The following FILIP1 variants were observed in gnomAD, a reference collection of about 807,000 sequenced individuals.
FILIP1 encodes filamin-A-interacting protein 1.
In FILIP1, 61 loss-of-function variants were observed where a neutral mutation model predicts 102.1. The observed-to-expected ratio is 0.60, with a 90% CI of 0.49 to 0.74. The LOEUF is 0.74. Ranked by LOEUF, FILIP1 falls within the 30% of genes least tolerant of loss-of-function variation. The pLI is 0.00. For synonymous variants in FILIP1, 491 were observed against 526.9 expected, an observed-to-expected ratio of 0.93 and a Z score of 0.93; for missense variants, 1,314 against 1,441.2, an observed-to-expected ratio of 0.91 and a Z score of 1.43.
chr6:75,297,378 T>G (rs77512312), intron 6 of FILIP1, among the ~76,000 whole-genome samples: 1 of 152,200 alleles, frequency 6.6e-6, no homozygotes, highest in Non-Finnish European at 1.5e-5. Flanking sequence ...TACCTCATGA[T>G]GACCAATAGG....
At chr6:75,439,881 C>A (rs1251796615) in intron 1 of FILIP1, among the ~76,000 whole-genome samples, 1 of 152,218 alleles carries the variant, frequency 6.6e-6, no homozygotes, top group Non-Finnish European at 1.5e-5. Context: ...ATCAGCAAAT[C>A]TTTCCTACTA....
At chr6:75,417,377 C>T (rs186090422) in intron 1 of FILIP1, among the ~76,000 whole-genome samples, 80 of 152,208 alleles carry the variant, frequency 5.3e-4, no homozygotes, top group Non-Finnish European at 1.3e-4. Flanking sequence ...AAGTACTCAG[C>T]AATAACAAAT....
intron 2 of FILIP1, among the ~76,000 whole-genome samples, chr6:75,370,557 T>TG (rs1459721223): frequency 6.7e-6 from 1 of 150,142 alleles, no homozygotes. Flanking sequence ...GTCTGTAATT[T>TG]GGGAGTCTCT....
rs111727185 is a variant in FILIP1, at chr6:75,325,163, C to A, written c.630-9961G>T. Among the ~76,000 whole-genome samples the A allele has an allele frequency of 9.8e-3, 1,492 of 152,306 alleles. 24 individuals carry two copies. Among genetic ancestry groups the A allele is most frequent in the African/African-American group, 0.035 (1,436 of 41,560 alleles). ...GGGCATGGTGGTGCATGCCTATAAT[C>A]CCAGTACTTTGGGAGGCCGAGGCCA... On this transcript the variant is annotated intron_variant, in intron 4 of 5. Transcript: ENST00000237172.
chr6:75,424,278 A>G (rs1480886161), intron 1 of FILIP1, among the ~76,000 whole-genome samples: 1 of 152,198 alleles, frequency 6.6e-6, no homozygotes, highest in Admixed American at 6.6e-5. Context: ...AAGTTTAGTC[A>G]CAGGGCATAG....
chr6:75,318,679 C>T (rs1773530293), intron 4 of FILIP1, among the ~76,000 whole-genome samples: 1 of 152,102 alleles, frequency 6.6e-6, no homozygotes, highest in Admixed American at 6.6e-5. Flanking sequence ...AACAGAACAA[C>T]AATTATTTCG....
chr6:75,330,023 G>A (rs903177029), intron 4 of FILIP1, among the ~76,000 whole-genome samples: 1 of 152,106 alleles, frequency 6.6e-6, no homozygotes, highest in African/African-American at 2.4e-5. Context: ...CTAATATACT[G>A]TGCAGGGCTG....
rs577859750 is a variant in FILIP1, at chr6:75,336,818, C to T, written c.629+16721G>A. ...TTTAAAACTCCACTATTGAGACTCA[C>T]TCAAAAAGGCTATATTTATTATAAT... On this transcript the variant is annotated intron_variant, in intron 4 of 5. Coordinates refer to ENST00000237172, the MANE Select transcript of FILIP1 (RefSeq NM_015687.5). Among the ~76,000 whole-genome samples, 24 of 152,230 alleles carry T rather than the reference C, an allele frequency of 1.6e-4. No homozygotes were observed. The South Asian group carries it at 4.6e-3, about 29-fold the overall frequency.
chr6:75,447,695 G>C (rs1187572176), intron 1 of FILIP1, among the ~76,000 whole-genome samples: 2 of 152,124 alleles, frequency 1.3e-5, no homozygotes, highest in Non-Finnish European at 2.9e-5. Context: ...TTTGATCAAG[G>C]ATACTTTGGA....
chr6:75,319,547 G>C (rs1235993572), intron 4 of FILIP1: 2 of 551,476 alleles, frequency 3.6e-6, no homozygotes, highest in Non-Finnish European at 7.1e-6. Context: ...AGAAAACTCT[G>C]AGGCCGGGCC....
At chr6:75,409,063 T>C (rs1776970331) in intron 2 of FILIP1, among the ~76,000 whole-genome samples, 1 of 152,334 alleles carries the variant, frequency 6.6e-6, no homozygotes, top group South Asian at 2.1e-4. Flanking sequence ...AAGTTTCATC[T>C]TTTCACAAAA....
chr6:75,335,341 T>C (rs1774206852), intron 4 of FILIP1, among the ~76,000 whole-genome samples: 2 of 152,204 alleles, frequency 1.3e-5, no homozygotes, highest in Admixed American at 6.5e-5. Context: ...AACTGCTGTC[T>C]GCAAAAACAA....
intron 4 of FILIP1, among the ~76,000 whole-genome samples, chr6:75,323,895 G>A (rs191655504): frequency 1.3e-4 from 20 of 152,242 alleles, no homozygotes; most frequent in Non-Finnish European, 1.8e-4. Flanking sequence ...TTTTAAAAGT[G>A]GCAGTTTCCT....
chr6:75,429,779 G>A (rs1777762897), intron 1 of FILIP1, among the ~76,000 whole-genome samples: 1 of 152,130 alleles, frequency 6.6e-6, no homozygotes, highest in African/African-American at 2.4e-5. Context: ...TGAAGTCAAG[G>A]AAATATGATA....
intron 4 of FILIP1, among the ~76,000 whole-genome samples, chr6:75,332,652 G>C (rs1006981657): frequency 1.3e-5 from 2 of 152,150 alleles, no homozygotes; most frequent in Admixed American, 1.3e-4. Context: ...GGATTCCCTG[G>C]GGGAAGCAGG....
At chr6:75,312,324 G>A in intron 5 of FILIP1, 73 bp downstream of exon 5, 9 of 1,443,160 alleles carry the variant, frequency 6.2e-6, no homozygotes, top group Non-Finnish European at 8.5e-6. Flanking sequence ...GTTTTACTGT[G>A]GGTGCTGGGT....
intron 2 of FILIP1, among the ~76,000 whole-genome samples, chr6:75,387,919 G>C (rs1192598838): frequency 1.1e-4 from 17 of 152,226 alleles, no homozygotes; most frequent in Non-Finnish European, 2.9e-5. Flanking sequence ...GGCTTTTGTT[G>C]CCATTGCTTT....
chr6:75,482,405 G>A (rs1394155204), intron 1 of FILIP1, among the ~76,000 whole-genome samples: 1 of 152,196 alleles, frequency 6.6e-6, no homozygotes, highest in Non-Finnish European at 1.5e-5. Flanking sequence ...GTAGAGGAGT[G>A]GAGCAATCCT....
chr6:75,441,644 C>T (rs1478529655), intron 1 of FILIP1, among the ~76,000 whole-genome samples: 1 of 149,276 alleles, frequency 6.7e-6, no homozygotes, highest in African/African-American at 2.5e-5. Context: ...GACGGGGCGG[C>T]TGGCCGGGCG....
Sources: gnomAD v4.1 joint callset for allele counts (sites outside exome capture counted in the v4.1 genomes callset) on GRCh38, gnomAD v4.1.1 for gene constraint, MANE v1.5 for transcripts, NCBI Gene and HGNC (gene_info 2026-07-23, HGNC 2026-07-21) for gene names.